CEP63: variants seen among roughly 807,000 people sequenced by gnomAD.
CEP63 encodes the protein centrosomal protein 63, also known as centrosomal protein of 63 kDa.
A neutral mutation model predicts 89.1 loss-of-function variants in CEP63; 84 were observed. The ratio of observed to expected loss-of-function variants is 0.94; its 90% CI spans 0.79 to 1.13. The LOEUF (loss-of-function observed/expected upper bound fraction) is 1.13, where lower values mean the gene tolerates loss of function less well. Ranked by LOEUF, CEP63 falls within the 50% of genes most tolerant of loss-of-function variation. The pLI is 0.00. For missense variants in CEP63, 838 were observed against 813.3 expected, an observed-to-expected ratio of 1.03 and a Z score of -0.37; for synonymous variants, 267 against 272.5, an observed-to-expected ratio of 0.98 and a Z score of 0.20.
At chr3:134,679,653 T>TG in the CEP63 span, among the ~76,000 whole-genome samples, 9 of 152,230 alleles carry the variant, frequency 5.9e-5, no homozygotes, top group Admixed American at 5.2e-4. Context: ...TTTGGAGATA[T>TG]GGTCTTTAAA....
At chr3:134,556,850 A>T (rs1201187424) in intron 12 of CEP63, among the ~76,000 whole-genome samples, 1 of 152,198 alleles carries the variant, frequency 6.6e-6, no homozygotes, top group Admixed American at 6.5e-5. Flanking sequence ...TAACTTAGAG[A>T]AATTTTTAAA....
chr3:134,653,550 C>T, the CEP63 span, among the ~76,000 whole-genome samples: 1 of 152,184 alleles, frequency 6.6e-6, no homozygotes, highest in African/African-American at 2.4e-5. Flanking sequence ...CCATCCTTGG[C>T]CTGGGTTGAC....
intron 2 of CEP63, among the ~76,000 whole-genome samples, chr3:134,501,137 C>G (rs1318878128): frequency 6.6e-6 from 1 of 152,128 alleles, no homozygotes; most frequent in Non-Finnish European, 1.5e-5. Context: ...TGTTGAAGAT[C>G]AGTTCATTGT....
At chr3:134,724,393 T>C in the CEP63 span, among the ~76,000 whole-genome samples, 1 of 152,218 alleles carries the variant, frequency 6.6e-6, no homozygotes, top group Non-Finnish European at 1.5e-5. Flanking sequence ...TATATTTCTG[T>C]GGTTTGCATC....
rs1475981771 is a variant in CEP63 at position 134,561,359 on chromosome 3, A to C, written c.1954-18A>C. The stretch of plus-strand genomic sequence containing the variant: ...TATTCTACTTATTTACACATGTCAA[A>C]ATTTGTGTCTCTTCCAGTGTTCCTT... On this transcript the variant is annotated intron_variant, in intron 14 of 14. Transcript: ENST00000675561. 8 of 1,608,392 alleles carry C rather than the reference A, an allele frequency of 5.0e-6. No individual in the cohort carries two copies. Among genetic ancestry groups the C allele is most frequent in the East Asian group, 2.2e-5 (1 of 44,820 alleles).
chr3:134,607,701 G>T, the CEP63 span: 1 of 985,802 alleles, frequency 1.0e-6, no homozygotes, highest in Non-Finnish European at 1.2e-6. Context: ...GTATGCCTCA[G>T]AGTGTGCAAA....
the CEP63 span, among the ~76,000 whole-genome samples, chr3:134,615,998 C>A: frequency 1.3e-5 from 2 of 152,206 alleles, no homozygotes; most frequent in Non-Finnish European, 2.9e-5. Context: ...TCCAACGTCT[C>A]TGAAACCTGC....
the CEP63 span, among the ~76,000 whole-genome samples, chr3:134,752,448 A>G: frequency 1.3e-5 from 2 of 152,090 alleles, no homozygotes; most frequent in South Asian, 2.1e-4. Context: ...TGGGCTGGGC[A>G]TGTTCCAGCC....
At chr3:134,508,726 A>AAGAG (rs1285078345) in intron 3 of CEP63, among the ~76,000 whole-genome samples, 1 of 152,236 alleles carries the variant, frequency 6.6e-6, no homozygotes, top group Non-Finnish European at 1.5e-5. Context: ...AAGAGAAATT[A>AAGAG]AGAGAGATTT....
At chr3:134,665,755 TGA>T in the CEP63 span, among the ~76,000 whole-genome samples, 5 of 91,790 alleles carry the variant, frequency 5.4e-5, no homozygotes, top group Admixed American at 3.0e-4. Flanking sequence ...ACAGAGACAT[TGA>T]GAGACAGACA....
At chr3:134,661,264 A>G in the CEP63 span, among the ~76,000 whole-genome samples, 6 of 152,238 alleles carry the variant, frequency 3.9e-5, no homozygotes, top group South Asian at 1.2e-3. Context: ...GATCCATCCC[A>G]CTTAGCTATT....
At chr3:134,774,186 A>G in the CEP63 span, among the ~76,000 whole-genome samples, 1 of 152,088 alleles carries the variant, frequency 6.6e-6, no homozygotes, top group Non-Finnish European at 1.5e-5. Flanking sequence ...TATGTGGCTG[A>G]TGTGGCTCCC....
chr3:134,664,667 GTT>G, the CEP63 span, among the ~76,000 whole-genome samples: 52,286 of 95,274 alleles, frequency 0.55, 9,422 homozygotes, highest in Middle Eastern at 0.63. Context: ...TCTTTAAGCA[GTT>G]TTGTGTGTGT....
At chr3:134,578,338 T>TTG (rs371732591), downstream of CEP63, among the ~76,000 whole-genome samples, 7 of 137,858 alleles carry the variant, frequency 5.1e-5, no homozygotes, top group African/African-American at 1.1e-4. Flanking sequence ...TTTTTTTTTT[T>TTG]TTTTTTTTTG....
chr3:134,510,521 A>G (rs149180306), intron 3 of CEP63: 7 of 389,702 alleles, frequency 1.8e-5, no homozygotes, highest in Non-Finnish European at 3.4e-5. Context: ...TTTTTCTGGT[A>G]TTTTATTCCC....
chr3:134,621,863 C>G, the CEP63 span, among the ~76,000 whole-genome samples: 1 of 152,056 alleles, frequency 6.6e-6, no homozygotes, highest in Non-Finnish European at 1.5e-5. Flanking sequence ...TCCTACAACT[C>G]CACAAAAACA....
chr3:134,515,228 T>TA (rs1160491419), intron 3 of CEP63, among the ~76,000 whole-genome samples: 1 of 151,850 alleles, frequency 6.6e-6, no homozygotes, highest in Non-Finnish European at 1.5e-5. Context: ...AATGGAATGA[T>TA]AAAAAAAGTA....
chr3:134,688,187 A>G, the CEP63 span, among the ~76,000 whole-genome samples: 1 of 152,230 alleles, frequency 6.6e-6, no homozygotes, highest in African/African-American at 2.4e-5. Context: ...TGGTGAATGT[A>G]GAAACAAAAT....
At chr3:134,623,758 G>T in the CEP63 span, among the ~76,000 whole-genome samples, 1 of 152,118 alleles carries the variant, frequency 6.6e-6, no homozygotes, top group Non-Finnish European at 1.5e-5. Flanking sequence ...AGCCGACATG[G>T]CGTCTGTCCT....
Sources: allele counts gnomAD v4.1 joint callset (sites outside exome capture counted in the v4.1 genomes callset), GRCh38; gene constraint gnomAD v4.1.1; transcripts MANE v1.5; gene names NCBI Gene and HGNC (gene_info 2026-07-23, HGNC 2026-07-21).